Variants in GRM8 observed in about 807,000 individuals in gnomAD.
The protein encoded by GRM8 is metabotropic glutamate receptor 8.
In GRM8, 47 loss-of-function variants were observed where a neutral mutation model predicts 87.2. The ratio of observed to expected loss-of-function variants is 0.54; its 90% CI spans 0.43 to 0.69. GRM8 has a LOEUF of 0.69. Among genes scored for constraint, GRM8 ranks in the 30% least tolerant of loss-of-function variants. GRM8 has a pLI of 0.00. For synonymous variants in GRM8, 396 were observed against 404.5 expected, an observed-to-expected ratio of 0.98 and a Z score of 0.25; for missense variants, 1,019 against 1,139.2, an observed-to-expected ratio of 0.89 and a Z score of 1.52.
At chr7:126,793,819 T>C (rs1362504364) in intron 6 of GRM8, among the ~76,000 whole-genome samples, 1 of 152,170 alleles carries the variant, frequency 6.6e-6, no homozygotes, top group East Asian at 1.9e-4. Flanking sequence ...TGAAGGAAAT[T>C]GGAACAAAAG....
chr7:126,865,125 C>A (rs1412253513), intron 6 of GRM8, among the ~76,000 whole-genome samples: 2 of 152,202 alleles, frequency 1.3e-5, no homozygotes, highest in African/African-American at 4.8e-5. Context: ...CCAAACCCAG[C>A]TTCAGCATCC....
chr7:126,487,820 CTACT>C lies in GRM8; in HGVS notation c.2431-41452_2431-41449del, dbSNP rs1312840652. Among the ~76,000 whole-genome samples, 182 of 152,118 alleles carry C rather than the reference CTACT, an allele frequency of 1.2e-3. 1 individual carries two copies. Among genetic ancestry groups the C allele is most frequent in the Non-Finnish European group, 9.1e-4 (62 of 67,962 alleles). ...GTGATGGAATACATTTTCCAAAATT[CTACT>C]TTTTGCTTGAAAGCTCACATTTTAT... is the stretch of plus-strand genomic sequence containing the variant. On this transcript the variant is annotated intron_variant, in intron 9 of 10. Transcript: ENST00000339582.
rs112788066 is a variant in GRM8, at chr7:126,518,067, T to C, written c.2430+14885A>G. ...GTCACCAACACTTTACAATTTGTCA[T>C]GACAGGACTGCTTAGTAGACACAAT... On this transcript the variant is annotated intron_variant, in intron 9 of 10. Coordinates refer to ENST00000339582, the MANE Select transcript of GRM8 (RefSeq NM_000845.3). Among the ~76,000 whole-genome samples the C allele has an allele frequency of 9.7e-4, 148 of 152,204 alleles. 1 individual carries two copies. Among genetic ancestry groups the C allele is most frequent in the African/African-American group, 3.4e-3 (140 of 41,552 alleles).
intron 2 of GRM8, among the ~76,000 whole-genome samples, chr7:127,110,163 C>T (rs184457467): frequency 3.9e-5 from 6 of 152,294 alleles, no homozygotes; most frequent in Admixed American, 2.0e-4. Flanking sequence ...CTGTTGGCTC[C>T]GAAGCACTTC....
At chr7:126,496,724 T>G (rs773538662) in intron 9 of GRM8, among the ~76,000 whole-genome samples, 92 of 151,984 alleles carry the variant, frequency 6.1e-4, no homozygotes, top group Non-Finnish European at 1.1e-3. Context: ...GGACAAGTTC[T>G]TCCCTGTCTA....
intron 7 of GRM8, among the ~76,000 whole-genome samples, chr7:126,763,442 C>CATATATAT (rs750564318): frequency 2.0e-3 from 243 of 119,768 alleles, no homozygotes; most frequent in African/African-American, 6.1e-3. Flanking sequence ...ATGATAAATT[C>CATATATAT]ATATATATAT....
At chr7:126,862,936 A>C (rs1242334689) in intron 6 of GRM8, among the ~76,000 whole-genome samples, 1 of 151,900 alleles carries the variant, frequency 6.6e-6, no homozygotes, top group African/African-American at 2.4e-5. Flanking sequence ...TAATTTCTCC[A>C]TTCTTTCTGT....
intron 8 of GRM8, among the ~76,000 whole-genome samples, chr7:126,589,769 T>C (rs1228656618): frequency 6.6e-6 from 1 of 152,122 alleles, no homozygotes; most frequent in Non-Finnish European, 1.5e-5. Flanking sequence ...CTGCTATCCA[T>C]GACTAAGAGA....
At chr7:126,923,544 C>T (rs1277548206) in intron 3 of GRM8, among the ~76,000 whole-genome samples, 5 of 152,124 alleles carry the variant, frequency 3.3e-5, no homozygotes, top group Non-Finnish European at 5.9e-5. Flanking sequence ...CTCTCACATA[C>T]AGACATAATT....
chr7:127,081,358 C>G (rs1822847485), intron 3 of GRM8, among the ~76,000 whole-genome samples: 1 of 152,206 alleles, frequency 6.6e-6, no homozygotes, highest in African/African-American at 2.4e-5. Context: ...TCTCATTATT[C>G]ACAATGCAAT....
chr7:126,933,431 A>G (rs1392721116), intron 3 of GRM8, among the ~76,000 whole-genome samples: 1 of 152,212 alleles, frequency 6.6e-6, no homozygotes, highest in African/African-American at 2.4e-5. Context: ...GACTTGGTCC[A>G]GTCTCTGTTC....
At chr7:127,123,349 G>C (rs890510296) in intron 2 of GRM8, among the ~76,000 whole-genome samples, 7 of 152,138 alleles carry the variant, frequency 4.6e-5, no homozygotes, top group African/African-American at 1.7e-4. Flanking sequence ...TTGGGTCCTG[G>C]GGGGAATCCT....
At chr7:127,150,794 G>A (rs957024041) in intron 2 of GRM8, among the ~76,000 whole-genome samples, 1 of 151,930 alleles carries the variant, frequency 6.6e-6, no homozygotes, top group African/African-American at 2.4e-5. Flanking sequence ...CACAGTGTGG[G>A]CCCACCATTC....
At chr7:127,222,932 G>T (rs1283262971) in intron 2 of GRM8, among the ~76,000 whole-genome samples, 1 of 152,178 alleles carries the variant, frequency 6.6e-6, no homozygotes, top group African/African-American at 2.4e-5. Context: ...AGCAGTTCCT[G>T]TTCCAAGCTA....
intron 7 of GRM8, among the ~76,000 whole-genome samples, chr7:126,726,185 A>T (rs1031706498): frequency 1.3e-5 from 2 of 151,964 alleles, no homozygotes; most frequent in African/African-American, 4.8e-5. Context: ...ACTCCATGCC[A>T]TCCACTATAT....
Position 126,700,204 on chromosome 7 carries a change from T to C in GRM8, c.1357+69661A>G, listed in dbSNP as rs570981094. Among the ~76,000 whole-genome samples the C allele has an allele frequency of 8.5e-5, 13 of 152,250 alleles. No homozygotes were observed. In the South Asian group the frequency reaches 2.7e-3, roughly 32 times the overall value. ...AGAACAACAGCAATTTCACAATATCTAGACAATGAATGAATATTAAAAATC... is the reference window on the plus strand; with the variant it reads ...AGAACAACAGCAATTTCACAATATCCAGACAATGAATGAATATTAAAAATC... On this transcript the variant is annotated intron_variant, in intron 7 of 10. Coordinates refer to ENST00000339582, the MANE Select transcript of GRM8 (RefSeq NM_000845.3).
Position 127,153,644 on chromosome 7 carries a change from T to C in GRM8, c.511-46932A>G, listed in dbSNP as rs560496095. Reference sequence around the variant, plus strand: ...ATTTGAAGTTGGTGACTATGAACTTTGAGAAGCATCAAATCTCTCAATCCA... The same window carrying C: ...ATTTGAAGTTGGTGACTATGAACTTCGAGAAGCATCAAATCTCTCAATCCA... On this transcript the variant is annotated intron_variant, in intron 2 of 10. Transcript: ENST00000339582. 2.6e-5 allele frequency among the ~76,000 whole-genome samples: 4 copies of C among 152,264 alleles called. No homozygotes were observed. The South Asian group carries it at 8.3e-4, about 32-fold the overall frequency.
At chr7:126,999,937 C>T (rs1197750903) in intron 3 of GRM8, among the ~76,000 whole-genome samples, 5 of 151,772 alleles carry the variant, frequency 3.3e-5, no homozygotes, top group Admixed American at 3.3e-4. Flanking sequence ...GCTTCACTCC[C>T]ATGTTTGTTG....
chr7:127,035,926 A>G (rs202170679), intron 3 of GRM8, among the ~76,000 whole-genome samples: 1 of 152,094 alleles, frequency 6.6e-6, no homozygotes, highest in East Asian at 1.9e-4. Flanking sequence ...TGACAATATG[A>G]CAGGTATTTC....
Sources: gnomAD v4.1 joint callset for allele counts (sites outside exome capture counted in the v4.1 genomes callset) on GRCh38, gnomAD v4.1.1 for gene constraint, MANE v1.5 for transcripts, NCBI Gene and HGNC (gene_info 2026-07-23, HGNC 2026-07-21) for gene names.